The following DCHS2 variants were observed in gnomAD, a reference collection of about 807,000 sequenced individuals.
DCHS2 encodes dachsous cadherin-related 2.
A neutral mutation model predicts 182.4 loss-of-function variants in DCHS2; 142 were observed. The ratio of observed to expected loss-of-function variants is 0.78; its 90% CI spans 0.68 to 0.89. DCHS2 has a LOEUF of 0.89. Among genes scored for constraint, DCHS2 ranks in the 40% least tolerant of loss-of-function variants. The pLI, the probability that DCHS2 is intolerant of heterozygous loss-of-function variation, is 0.00. For synonymous variants in DCHS2, 1,740 were observed against 1,663.3 expected, an observed-to-expected ratio of 1.05 and a Z score of -1.12; for missense variants, 4,319 against 4,198.6, an observed-to-expected ratio of 1.03 and a Z score of -0.79.
chr4:154,335,985 C>T (rs1349939183), intron 3 of DCHS2, among the ~76,000 whole-genome samples: 1 of 152,144 alleles, frequency 6.6e-6, no homozygotes, highest in African/African-American at 2.4e-5. Flanking sequence ...TGATTACAAC[C>T]TGCTCAAGTG....
At chr4:154,455,148 A>G (rs1420296234) in intron 1 of DCHS2, among the ~76,000 whole-genome samples, 2 of 152,240 alleles carry the variant, frequency 1.3e-5, no homozygotes, top group Non-Finnish European at 2.9e-5. Context: ...CCTCTGTTAA[A>G]TTCACCAGGT....
chr4:154,368,861 T>C (rs2110779754), intron 2 of DCHS2, among the ~76,000 whole-genome samples: 1 of 152,230 alleles, frequency 6.6e-6, no homozygotes, highest in South Asian at 2.1e-4. Context: ...GGCTGGGCAT[T>C]TAGTGACAGA....
intron 2 of DCHS2, among the ~76,000 whole-genome samples, chr4:154,372,511 A>T (rs181832843): frequency 4.6e-4 from 70 of 152,312 alleles, no homozygotes; most frequent in African/African-American, 1.6e-3. Flanking sequence ...GATGGAGTTG[A>T]AATAGCTTTA....
chr4:154,333,661 G>T, intron 4 of DCHS2, 167 bp from the exon 5 acceptor site: 1 of 711,774 alleles, frequency 1.4e-6, no homozygotes, highest in South Asian at 1.9e-5. Context: ...GTATTTTATT[G>T]TACCTTTTCT....
chr4:154,391,682 G>A (rs1043591765), intron 1 of DCHS2, among the ~76,000 whole-genome samples: 4 of 152,158 alleles, frequency 2.6e-5, no homozygotes, highest in Non-Finnish European at 5.9e-5. Context: ...AGAATCCAAA[G>A]TAAAAGGTGA....
At chr4:154,263,317 T>C (rs1161622305) in intron 14 of DCHS2, among the ~76,000 whole-genome samples, 2 of 152,022 alleles carry the variant, frequency 1.3e-5, no homozygotes, top group East Asian at 3.9e-4. Context: ...TTAAACTATA[T>C]ACTTGACCAA....
chr4:154,310,114 T>G (rs1267033626), intron 10 of DCHS2, among the ~76,000 whole-genome samples: 3 of 152,178 alleles, frequency 2.0e-5, no homozygotes, highest in Non-Finnish European at 4.4e-5. Flanking sequence ...GAGTCAGATT[T>G]CAACATAACT....
chr4:154,244,615 C>T (rs1378962006), intron 16 of DCHS2, among the ~76,000 whole-genome samples: 1 of 152,046 alleles, frequency 6.6e-6, no homozygotes, highest in Non-Finnish European at 1.5e-5. Flanking sequence ...TTTCTCTTTC[C>T]AATCCTAAAT....
At chr4:154,350,959 G>T (rs1227713748) in intron 3 of DCHS2, among the ~76,000 whole-genome samples, 2 of 152,158 alleles carry the variant, frequency 1.3e-5, no homozygotes, top group Non-Finnish European at 2.9e-5. Context: ...GAAAAGAAGG[G>T]ATGGCCAGAG....
chr4:154,263,492 A>C (rs1163900155), intron 14 of DCHS2, among the ~76,000 whole-genome samples: 1 of 152,108 alleles, frequency 6.6e-6, no homozygotes, highest in East Asian at 1.9e-4. Flanking sequence ...CTGAGAGGTT[A>C]GTAAGTACTA....
chr4:154,250,816 T>TACAA (rs1488241117), intron 16 of DCHS2, among the ~76,000 whole-genome samples: 1 of 152,198 alleles, frequency 6.6e-6, no homozygotes, highest in East Asian at 1.9e-4. Flanking sequence ...GAAATAAAGA[T>TACAA]ACAAACATTC....
chr4:154,454,449 G>T (rs535732950), intron 1 of DCHS2, among the ~76,000 whole-genome samples: 1 of 152,210 alleles, frequency 6.6e-6, no homozygotes, highest in East Asian at 1.9e-4. Context: ...TCACCATGTT[G>T]CCCAGGCTAA....
intron 3 of DCHS2, among the ~76,000 whole-genome samples, chr4:154,339,553 G>A (rs564580035): frequency 2.0e-5 from 3 of 151,550 alleles, no homozygotes; most frequent in Non-Finnish European, 4.4e-5. Flanking sequence ...GGATTCAAGC[G>A]ATTCTCCCGC....
chr4:154,279,853 A>G (rs1734045042), intron 13 of DCHS2, among the ~76,000 whole-genome samples: 1 of 152,012 alleles, frequency 6.6e-6, no homozygotes, highest in East Asian at 1.9e-4. Context: ...CGAAGTTAGT[A>G]GAAGGAAGGA....
chr4:154,278,975 C>T (rs1315325434), intron 13 of DCHS2, among the ~76,000 whole-genome samples: 1 of 151,652 alleles, frequency 6.6e-6, no homozygotes, highest in Non-Finnish European at 1.5e-5. Flanking sequence ...TATAATATGG[C>T]AATAGTGATG....
At chr4:154,356,146 A>G (rs531512989) in intron 3 of DCHS2, among the ~76,000 whole-genome samples, 130 of 152,188 alleles carry the variant, frequency 8.5e-4, no homozygotes, top group African/African-American at 3.1e-3. Flanking sequence ...AGACAGTGGT[A>G]TTCATGCTCT....
At chr4:154,439,071 A>G (rs1005391629) in intron 1 of DCHS2, among the ~76,000 whole-genome samples, 1 of 152,216 alleles carries the variant, frequency 6.6e-6, no homozygotes, top group Non-Finnish European at 1.5e-5. Context: ...AGGTGCATAG[A>G]TATGGCTATA....
At chr4:154,456,608 G>A (rs949670821) in intron 1 of DCHS2, among the ~76,000 whole-genome samples, 1 of 152,300 alleles carries the variant, frequency 6.6e-6, no homozygotes, top group South Asian at 2.1e-4. Flanking sequence ...CAGAGGAAGT[G>A]AGGGAATTAC....
chr4:154,418,829 ATGAG>A (rs1485740095), intron 1 of DCHS2, among the ~76,000 whole-genome samples: 2 of 152,236 alleles, frequency 1.3e-5, no homozygotes, highest in Non-Finnish European at 2.9e-5. Flanking sequence ...CATATTTTTA[ATGAG>A]TAAGTTTGGA....
Sources: allele counts gnomAD v4.1 joint callset (sites outside exome capture counted in the v4.1 genomes callset), GRCh38; gene constraint gnomAD v4.1.1; transcripts MANE v1.5; gene names NCBI Gene and HGNC (gene_info 2026-07-23, HGNC 2026-07-21).